Variants in VSTM4 observed in about 807,000 individuals in gnomAD.
VSTM4 encodes V-set and transmembrane domain containing 4.
VSTM4 carries 20 observed loss-of-function variants against 36.4 expected under a neutral mutation model. The observed-to-expected ratio is 0.55, with a 90% CI of 0.39 to 0.80. The LOEUF (loss-of-function observed/expected upper bound fraction) is 0.80, where lower values mean the gene tolerates loss of function less well. Ranked by LOEUF, VSTM4 falls within the 30% of genes least tolerant of loss-of-function variation. The probability of loss-of-function intolerance (pLI) is 0.00; values close to 1 mark genes in which losing one functional copy is unlikely to be tolerated. For missense variants in VSTM4, 392 were observed against 404.5 expected (o/e 0.97, Z 0.26); for synonymous variants, 182 against 173.9 (o/e 1.05, Z -0.37).
intron 2 of VSTM4, chr10:49,102,625 C>T (rs913237254): frequency 1.0e-6 from 1 of 984,954 alleles, no homozygotes; most frequent in African/African-American, 1.7e-5. Context: ...GGATGTGGAG[C>T]CCCAAAAAAT....
chr10:49,068,408 G>A (rs771869164), intron 4 of VSTM4, among the ~76,000 whole-genome samples: 50 of 152,284 alleles, frequency 3.3e-4, no homozygotes, highest in African/African-American at 1.1e-3. Context: ...GCAGGGAGCC[G>A]ACTAAGAAGG....
intron 2 of VSTM4, among the ~76,000 whole-genome samples, chr10:49,086,998 G>C (rs1844381997): frequency 6.6e-6 from 1 of 152,184 alleles, no homozygotes; most frequent in Admixed American, 6.5e-5. Context: ...AGATGGCCTA[G>C]AACTTAAATT....
intron 3 of VSTM4, among the ~76,000 whole-genome samples, chr10:49,081,362 G>C (rs1844274973): frequency 6.6e-6 from 1 of 152,224 alleles, no homozygotes; most frequent in African/African-American, 2.4e-5. Flanking sequence ...CTTATTCATG[G>C]AGTGGAGAGA....
At chr10:49,040,299 T>A (rs183404025) in intron 7 of VSTM4, among the ~76,000 whole-genome samples, 2 of 152,322 alleles carry the variant, frequency 1.3e-5, no homozygotes, top group African/African-American at 2.4e-5. Context: ...TTCTTTTTTT[T>A]TGAGACACAG....
chr10:49,030,759 A>G (rs1468277410), intron 7 of VSTM4, among the ~76,000 whole-genome samples: 1 of 152,256 alleles, frequency 6.6e-6, no homozygotes, highest in Non-Finnish European at 1.5e-5. Context: ...GGACAGGCAG[A>G]GGTGACCCCT....
At chr10:49,050,792 C>T (rs1038009377) in intron 5 of VSTM4, among the ~76,000 whole-genome samples, 4 of 152,194 alleles carry the variant, frequency 2.6e-5, no homozygotes, top group African/African-American at 7.2e-5. Flanking sequence ...AGGGTAATTA[C>T]AGGCATGGAA....
rs941877559 is a variant in VSTM4 at position 49,045,979 on chromosome 10, C to A, written c.837+1004G>T. Among the ~76,000 whole-genome samples, 11 of 152,218 alleles carry A rather than the reference C, an allele frequency of 7.2e-5. No individual in the cohort carries two copies. In the South Asian group the frequency reaches 1.9e-3, roughly 26 times the overall value. On this transcript the variant is annotated intron_variant, in intron 7 of 7. Transcript: ENST00000332853. ...TCCTCCCCGCTGTTCTCATGACAAG[C>A]GAGTGAGTTCTCATGAAATCTGATG...
intron 7 of VSTM4, among the ~76,000 whole-genome samples, chr10:49,044,391 GAGAGAGAAAGAAAAAGAA>G (rs1411777382): frequency 7.4e-6 from 1 of 135,236 alleles, no homozygotes; most frequent in African/African-American, 2.8e-5. Flanking sequence ...AGGAAGGAGA[GAGAGAGAAAGAAAAAGAA>G]AGAGAGAAAG....
intron 2 of VSTM4, among the ~76,000 whole-genome samples, chr10:49,105,630 A>G (rs377481841): frequency 6.6e-6 from 1 of 152,310 alleles, no homozygotes; most frequent in East Asian, 1.9e-4. Context: ...AATGTTCTAG[A>G]CTGAACCCAG....
intron 2 of VSTM4, among the ~76,000 whole-genome samples, chr10:49,101,359 GA>G (rs569460632): frequency 2.1e-4 from 28 of 136,358 alleles, no homozygotes; most frequent in Non-Finnish European, 3.8e-4. Flanking sequence ...AAAAATTAAT[GA>G]TCAGATCTAC....
In VSTM4 at chr10:49,077,259, G is replaced by A. The variant is rs750380096; in HGVS notation, c.594C>T (p.Val198=). 26 of 1,614,024 alleles carry A rather than the reference G, an allele frequency of 1.6e-5. No homozygotes were observed. Among genetic ancestry groups the A allele is most frequent in the Admixed American group, 1.3e-4 (8 of 60,006 alleles). ...GILSILLFML[V]IVWQSVFNKR... is the part of the protein sequence containing the mutation. ...TGTTAAACACAGACTGCCAGACGATGACCAGCATGAAGAGCAGAATGCTGA... is the reference window on the plus strand; with the variant it reads ...TGTTAAACACAGACTGCCAGACGATAACCAGCATGAAGAGCAGAATGCTGA... Residue 198 remains valine, a synonymous_variant, in exon 4 of 8, where the codon GTC becomes GTT. Transcript: ENST00000332853.
intron 7 of VSTM4, among the ~76,000 whole-genome samples, chr10:49,027,711 G>A (rs369474380): frequency 6.6e-6 from 1 of 152,238 alleles, no homozygotes; most frequent in East Asian, 1.9e-4. Context: ...TAACCTTCTG[G>A]GATTGGCTTT....
chr10:49,034,737 G>A (rs886813318), intron 7 of VSTM4, among the ~76,000 whole-genome samples: 6 of 151,342 alleles, frequency 4.0e-5, no homozygotes, highest in African/African-American at 4.9e-5. Context: ...TTTTTGAGAC[G>A]GTGATGTTTT....
intron 3 of VSTM4, among the ~76,000 whole-genome samples, chr10:49,079,209 T>C (rs771989373): frequency 2.0e-5 from 3 of 152,064 alleles, no homozygotes; most frequent in Non-Finnish European, 4.4e-5. Context: ...TTCATGTACA[T>C]ACATCTCTTT....
chr10:49,075,702 T>C (rs1844164310), intron 4 of VSTM4, among the ~76,000 whole-genome samples: 1 of 152,214 alleles, frequency 6.6e-6, no homozygotes, highest in Non-Finnish European at 1.5e-5. Context: ...AAGACACCCA[T>C]GCTACAGCCT....
chr10:49,095,690 G>A (rs1224082679), intron 2 of VSTM4, among the ~76,000 whole-genome samples: 1 of 152,156 alleles, frequency 6.6e-6, no homozygotes, highest in Non-Finnish European at 1.5e-5. Context: ...GTCCAGCAAT[G>A]TGTCCTCATC....
At chr10:49,067,400 T>C (rs926127356) in intron 4 of VSTM4, among the ~76,000 whole-genome samples, 25 of 152,244 alleles carry the variant, frequency 1.6e-4, no homozygotes, top group African/African-American at 5.8e-4. Flanking sequence ...GGCTGAATTA[T>C]GTCTCCTCCA....
chr10:49,053,116 G>A (rs1188487086), intron 5 of VSTM4, among the ~76,000 whole-genome samples: 2 of 152,364 alleles, frequency 1.3e-5, no homozygotes, highest in East Asian at 3.9e-4. Flanking sequence ...AGCAAGCCTT[G>A]TTGGAGTGAG....
intron 2 of VSTM4, among the ~76,000 whole-genome samples, chr10:49,101,522 G>A (rs1360303365): frequency 6.6e-6 from 1 of 152,130 alleles, no homozygotes; most frequent in African/African-American, 2.4e-5. Flanking sequence ...GCACTGTATT[G>A]TATTGAATAT....
Sources: allele counts gnomAD v4.1 joint callset (sites outside exome capture counted in the v4.1 genomes callset), GRCh38; gene constraint gnomAD v4.1.1; transcripts MANE v1.5; gene names NCBI Gene and HGNC (gene_info 2026-07-23, HGNC 2026-07-21).